APP: variants seen among roughly 807,000 people sequenced by gnomAD.
APP encodes amyloid beta precursor protein.
APP carries 31 observed loss-of-function variants against 101.4 expected under a neutral mutation model. The observed-to-expected ratio is 0.31, with a 90% CI of 0.23 to 0.41. The LOEUF is 0.41. Among genes scored for constraint, APP ranks in the 10% least tolerant of loss-of-function variants. The probability of loss-of-function intolerance (pLI) is 1.00; values close to 1 mark genes in which losing one functional copy is unlikely to be tolerated. For synonymous variants in APP, 366 were observed against 364.4 expected (o/e 1.00, Z -0.05); for missense variants, 839 against 1,003.7 (o/e 0.84, Z 2.22).
chr21:26,082,268 G>T (rs1184264522), intron 3 of APP, among the ~76,000 whole-genome samples: 2 of 152,048 alleles, frequency 1.3e-5, no homozygotes, highest in African/African-American at 4.8e-5. Context: ...GTTTTGCATT[G>T]GCTTTCTTTG....
chr21:26,116,022 C>G (rs1422629169), intron 1 of APP, among the ~76,000 whole-genome samples: 1 of 152,162 alleles, frequency 6.6e-6, no homozygotes, highest in African/African-American at 2.4e-5. Flanking sequence ...GTGGTCTATG[C>G]TTTTCTAAGA....
intron 1 of APP, among the ~76,000 whole-genome samples, chr21:26,139,806 T>C (rs2063000589): frequency 1.3e-5 from 2 of 151,978 alleles, no homozygotes; most frequent in African/African-American, 2.4e-5. Flanking sequence ...GGGAGGAGAA[T>C]TGCTTGAAGG....
rs374719893 is a variant in APP, at chr21:26,002,784, A to G, written c.866-2602T>C. Among the ~76,000 whole-genome samples, 3 of 149,424 alleles carry G rather than the reference A, an allele frequency of 2.0e-5. No individual in the cohort carries two copies. The South Asian group carries it at 6.5e-4, about 33-fold the overall frequency. ...TCACATTTTGGCATTAAAAAAAAGT[A>G]TCATCTTAGAGTACCAAATATGTGT... On this transcript the variant is annotated intron_variant, in intron 6 of 17. Transcript: ENST00000346798.
At chr21:26,120,724 T>A (rs953725663) in intron 1 of APP, among the ~76,000 whole-genome samples, 1 of 151,854 alleles carries the variant, frequency 6.6e-6, no homozygotes, top group Non-Finnish European at 1.5e-5. Context: ...TTAAAAAAAA[T>A]TAAACATATT....
intron 3 of APP, among the ~76,000 whole-genome samples, chr21:26,088,034 A>G (rs780542545): frequency 6.6e-6 from 1 of 152,022 alleles, no homozygotes; most frequent in Non-Finnish European, 1.5e-5. Context: ...ACGGGGTCTC[A>G]TTATGTTGCC....
intron 13 of APP, among the ~76,000 whole-genome samples, chr21:25,917,171 G>A (rs1450372014): frequency 6.7e-6 from 1 of 149,380 alleles, no homozygotes; most frequent in Non-Finnish European, 1.5e-5. Context: ...TAAGGCGGGA[G>A]AATTGCTTAA....
intron 5 of APP, among the ~76,000 whole-genome samples, chr21:26,030,677 A>C (rs1288761224): frequency 2.6e-5 from 4 of 152,246 alleles, no homozygotes; most frequent in Non-Finnish European, 5.9e-5. Context: ...ACTAGAATTA[A>C]GGAGAAGCAC....
chr21:25,973,679 AC>A (rs1332643777), intron 11 of APP, among the ~76,000 whole-genome samples: 14 of 152,122 alleles, frequency 9.2e-5, no homozygotes, highest in African/African-American at 1.9e-4. Context: ...ATGGTGGTTC[AC>A]GCCTGTAATC....
chr21:26,165,243 G>A (rs1490447899), intron 1 of APP, among the ~76,000 whole-genome samples: 1 of 152,158 alleles, frequency 6.6e-6, no homozygotes, highest in Non-Finnish European at 1.5e-5. Flanking sequence ...TATACCCATT[G>A]TACATCAACA....
At chr21:26,058,445 C>T (rs1040866652) in intron 3 of APP, among the ~76,000 whole-genome samples, 8 of 152,192 alleles carry the variant, frequency 5.3e-5, no homozygotes, top group Admixed American at 4.6e-4. Context: ...GAATGAATAT[C>T]AAACAGGCGA....
intron 13 of APP, among the ~76,000 whole-genome samples, chr21:25,917,028 C>T (rs1165610777): frequency 4.6e-5 from 7 of 152,010 alleles, no homozygotes; most frequent in African/African-American, 9.7e-5. Flanking sequence ...TTTGGGAGGC[C>T]GAGGTGGGTG....
intron 11 of APP, among the ~76,000 whole-genome samples, chr21:25,973,942 T>TAAAAAAA (rs1568789777): frequency 1.9e-3 from 137 of 73,614 alleles, no homozygotes; most frequent in African/African-American, 0.016. Context: ...TCCATCTCAT[T>TAAAAAAA]TAAAAAAAAA....
At chr21:26,126,020 A>C (rs2062674994) in intron 1 of APP, among the ~76,000 whole-genome samples, 1 of 152,154 alleles carries the variant, frequency 6.6e-6, no homozygotes, top group African/African-American at 2.4e-5. Context: ...GAAATAACAA[A>C]CTGTACAATC....
chr21:26,148,416 T>G (rs1166863411), intron 1 of APP, among the ~76,000 whole-genome samples: 1 of 152,142 alleles, frequency 6.6e-6, no homozygotes, highest in Admixed American at 6.5e-5. Flanking sequence ...TTGCTAGTGT[T>G]TTTTCTTCAG....
At chr21:26,005,946 T>C (rs1000346953) in intron 6 of APP, among the ~76,000 whole-genome samples, 5 of 152,224 alleles carry the variant, frequency 3.3e-5, no homozygotes, top group Admixed American at 3.3e-4. Flanking sequence ...GTAATTATTA[T>C]GTCAATTAAA....
At chr21:25,955,840 A>G in intron 11 of APP, 85 bp from the exon 12 acceptor site, 7 of 1,593,306 alleles carry the variant, frequency 4.4e-6, no homozygotes, top group Non-Finnish European at 6.0e-6. Context: ...GGTTCCACTA[A>G]TGCATCCGGT....
At chr21:25,894,503 C>A (rs1027186914) in intron 16 of APP, among the ~76,000 whole-genome samples, 3 of 152,052 alleles carry the variant, frequency 2.0e-5, no homozygotes, top group Admixed American at 2.0e-4. Context: ...ACAATGATTC[C>A]AACTCTCATG....
At position 25,926,654 on chromosome 21, in the gene APP, C is replaced by T. The variant is rs187006183; in HGVS notation, c.1688-14692G>A. On this transcript the variant is annotated intron_variant, in intron 13 of 17. Coordinates refer to ENST00000346798, the MANE Select transcript of APP (RefSeq NM_000484.4). ...AACTGAAATCTGAACCCAAGTATCC[C>T]AATTCCTAATGCAACCTTCTCACTG... Among the ~76,000 whole-genome samples, 176 of 152,226 alleles carry T rather than the reference C, an allele frequency of 1.2e-3. 1 individual carries two copies. Among genetic ancestry groups the T allele is most frequent in the African/African-American group, 4.0e-3 (167 of 41,526 alleles).
intron 16 of APP, 44 bp downstream of exon 16, chr21:25,897,529 G>A (rs1284774095): frequency 6.3e-6 from 9 of 1,435,162 alleles, no homozygotes; most frequent in Admixed American, 1.7e-5. Flanking sequence ...TAGGTCATTT[G>A]GCAAGACAAA....
Sources: gnomAD v4.1 joint callset for allele counts (sites outside exome capture counted in the v4.1 genomes callset) on GRCh38, gnomAD v4.1.1 for gene constraint, MANE v1.5 for transcripts, NCBI Gene and HGNC (gene_info 2026-07-23, HGNC 2026-07-21) for gene names.